The following SLC24A2 variants were observed in gnomAD, a reference collection of about 807,000 sequenced individuals.
SLC24A2 encodes the protein solute carrier family 24 member 2, also known as sodium/potassium/calcium exchanger 2.
A neutral mutation model predicts 62.0 loss-of-function variants in SLC24A2; 36 were observed. The observed-to-expected ratio is 0.58, with a 90% CI of 0.44 to 0.77. SLC24A2 has a LOEUF of 0.77. Among genes scored for constraint, SLC24A2 ranks in the 30% least tolerant of loss-of-function variants. SLC24A2 has a pLI of 0.00. For synonymous variants in SLC24A2, 358 were observed against 294.0 expected (o/e 1.22, Z -2.23); for missense variants, 846 against 817.9 (o/e 1.03, Z -0.42).
the SLC24A2 span, among the ~76,000 whole-genome samples, chr9:20,040,669 C>A: frequency 6.6e-6 from 1 of 152,158 alleles, no homozygotes; most frequent in Non-Finnish European, 1.5e-5. Context: ...TTCTGAGGTT[C>A]TAAGTGGTTG....
chr9:19,773,986 G>A (rs1191036315), intron 2 of SLC24A2, among the ~76,000 whole-genome samples: 1 of 152,154 alleles, frequency 6.6e-6, no homozygotes, highest in Admixed American at 6.5e-5. Flanking sequence ...TGTTAGTTAG[G>A]GATTGGTTGG....
the SLC24A2 span, among the ~76,000 whole-genome samples, chr9:20,046,506 T>C: frequency 6.6e-6 from 1 of 152,248 alleles, no homozygotes; most frequent in Non-Finnish European, 1.5e-5. Flanking sequence ...TGAAGCCATA[T>C]GTCCTCTGGG....
At chr9:19,800,660 C>CT in the SLC24A2 span, among the ~76,000 whole-genome samples, 18 of 151,010 alleles carry the variant, frequency 1.2e-4, no homozygotes, top group Admixed American at 4.6e-4. Flanking sequence ...GAAAGACTAC[C>CT]TTTTTTTTTC....
the SLC24A2 span, among the ~76,000 whole-genome samples, chr9:20,204,003 T>A: frequency 6.6e-6 from 1 of 152,234 alleles, no homozygotes; most frequent in Non-Finnish European, 1.5e-5. Context: ...AACTGAATTA[T>A]ACTCAATATA....
At chr9:19,908,964 C>T in the SLC24A2 span, among the ~76,000 whole-genome samples, 407 of 152,270 alleles carry the variant, frequency 2.7e-3, 1 homozygote, top group Non-Finnish European at 3.9e-3. Flanking sequence ...CCATGTGACC[C>T]AGCCATCCCA....
chr9:20,215,746 T>C, the SLC24A2 span, among the ~76,000 whole-genome samples: 1 of 151,758 alleles, frequency 6.6e-6, no homozygotes, highest in Non-Finnish European at 1.5e-5. Flanking sequence ...CTGACCCTTT[T>C]TGGTAACAGA....
the SLC24A2 span, among the ~76,000 whole-genome samples, chr9:20,088,621 G>A: frequency 6.6e-6 from 1 of 152,180 alleles, no homozygotes; most frequent in Non-Finnish European, 1.5e-5. Context: ...CTTAGCTGTT[G>A]TTGTCTTTGG....
At chr9:19,620,006 C>T (rs1817870947) in intron 3 of SLC24A2, among the ~76,000 whole-genome samples, 2 of 152,078 alleles carry the variant, frequency 1.3e-5, no homozygotes, top group African/African-American at 2.4e-5. Flanking sequence ...ATTATTTATT[C>T]TTGTTAGATA....
chr9:20,283,892 T>C, the SLC24A2 span, among the ~76,000 whole-genome samples: 1 of 152,170 alleles, frequency 6.6e-6, no homozygotes, highest in Non-Finnish European at 1.5e-5. Context: ...GTTATACGCA[T>C]GCCCATCTGA....
chr9:19,660,858 T>C (rs1016405883), intron 2 of SLC24A2, among the ~76,000 whole-genome samples: 2 of 152,172 alleles, frequency 1.3e-5, no homozygotes, highest in Non-Finnish European at 2.9e-5. Flanking sequence ...ATGAGACAGG[T>C]AGTGTTATGA....
the SLC24A2 span, among the ~76,000 whole-genome samples, chr9:20,274,488 C>T: frequency 6.6e-6 from 1 of 152,118 alleles, no homozygotes; most frequent in Admixed American, 6.5e-5. Flanking sequence ...TGAGAATTAA[C>T]TTTTGAGGTG....
At chr9:20,289,995 G>A in the SLC24A2 span, among the ~76,000 whole-genome samples, 1 of 152,138 alleles carries the variant, frequency 6.6e-6, no homozygotes, top group East Asian at 1.9e-4. Context: ...GGGCTGGGAT[G>A]CGCACTCCTT....
At chr9:19,865,815 A>G in the SLC24A2 span, among the ~76,000 whole-genome samples, 3 of 152,216 alleles carry the variant, frequency 2.0e-5, no homozygotes, top group Non-Finnish European at 4.4e-5. Flanking sequence ...AATACCCGAT[A>G]AGCACAGGCA....
the SLC24A2 span, among the ~76,000 whole-genome samples, chr9:20,046,362 T>C: frequency 6.6e-6 from 1 of 152,228 alleles, no homozygotes; most frequent in South Asian, 2.1e-4. Context: ...ATCTGGTGAC[T>C]GTAACTCACA....
chr9:20,224,529 G>A, the SLC24A2 span, among the ~76,000 whole-genome samples: 2 of 152,212 alleles, frequency 1.3e-5, 1 homozygote, highest in East Asian at 3.9e-4. Context: ...TGCTTTAGGA[G>A]CCATTTGGTT....
chr9:19,631,580 C>A (rs1818180337), intron 2 of SLC24A2, among the ~76,000 whole-genome samples: 1 of 152,124 alleles, frequency 6.6e-6, no homozygotes, highest in African/African-American at 2.4e-5. Context: ...TTTTGCCCAC[C>A]AGTGTGCTGC....
At chr9:20,290,371 G>C in the SLC24A2 span, among the ~76,000 whole-genome samples, 3 of 152,348 alleles carry the variant, frequency 2.0e-5, no homozygotes, top group East Asian at 1.9e-4. Context: ...CTGATGTACA[G>C]TTTCTTGTCA....
chr9:19,816,707 C>A, the SLC24A2 span, among the ~76,000 whole-genome samples: 28 of 152,128 alleles, frequency 1.8e-4, no homozygotes, highest in African/African-American at 6.7e-4. Flanking sequence ...TATCACATGG[C>A]AGGAGCAGGA....
chr9:20,262,062 C>T, the SLC24A2 span, among the ~76,000 whole-genome samples: 1 of 152,100 alleles, frequency 6.6e-6, no homozygotes, highest in African/African-American at 2.4e-5. Context: ...TAAATAACTC[C>T]ATAAACAAAA....
Sources: gnomAD v4.1 joint callset for allele counts (sites outside exome capture counted in the v4.1 genomes callset) on GRCh38, gnomAD v4.1.1 for gene constraint, MANE v1.5 for transcripts, NCBI Gene and HGNC (gene_info 2026-07-23, HGNC 2026-07-21) for gene names.